The following ACAD11 variants were observed in gnomAD, a reference collection of about 807,000 sequenced individuals.
ACAD11 encodes acyl-CoA dehydrogenase family member 11, also known as acyl-Coenzyme A dehydrogenase family, member 11.
A neutral mutation model predicts 102.2 loss-of-function variants in ACAD11; 83 were observed. That is an observed-to-expected ratio of 0.81 (90% CI 0.68 to 0.97). ACAD11 has a LOEUF of 0.97. Ranked by LOEUF, ACAD11 falls within the 50% of genes least tolerant of loss-of-function variation. The pLI is 0.00. For missense variants in ACAD11, 901 were observed against 951.7 expected (o/e 0.95, Z 0.70); for synonymous variants, 324 against 319.8 (o/e 1.01, Z -0.14).
At chr3:132,634,736 A>G (rs1940204010) in intron 5 of ACAD11, among the ~76,000 whole-genome samples, 1 of 152,220 alleles carries the variant, frequency 6.6e-6, no homozygotes, top group Non-Finnish European at 1.5e-5. Context: ...ATAAAAAATG[A>G]TGAGTTCATG....
chr3:132,578,805 C>T lies in ACAD11; in HGVS notation c.1765G>A (p.Gly589Ser). ...TTTATTGGATACCTACCTGTGTAGC[C>T]AAAAACTGACAAAGGCCTTATTATT... ...VKIIRPLSVF[G>S]YTDNFHGGHF... The change falls in exon 15 of 20, where the codon GGC (glycine) becomes AGC (serine). Residue 589 changes from glycine (G) to serine (S), a missense_variant. Transcript: ENST00000264990. 6.2e-7 allele frequency: 1 copy of T among 1,612,382 alleles called. No individual in the cohort carries two copies. The highest frequency in any genetic ancestry group is 8.5e-7 in the Non-Finnish European group (1 of 1,179,258).
intron 1 of ACAD11, among the ~76,000 whole-genome samples, chr3:132,656,309 C>T (rs1937798082): frequency 6.6e-6 from 1 of 152,112 alleles, no homozygotes; most frequent in Non-Finnish European, 1.5e-5. Flanking sequence ...TCCCCTTATA[C>T]TGTAGTACAA....
intron 9 of ACAD11, among the ~76,000 whole-genome samples, chr3:132,622,767 G>A (rs1939655802): frequency 6.6e-6 from 1 of 152,156 alleles, no homozygotes; most frequent in Admixed American, 6.5e-5. Flanking sequence ...AATATCACCT[G>A]TAGCATACTG....
In ACAD11 at chr3:132,630,508, T is replaced by C. The variant is rs1939994838; in HGVS notation, c.892A>G (p.Ile298Val). 6.2e-7 allele frequency: 1 copy of C among 1,613,022 alleles called. No individual in the cohort carries two copies. The highest frequency in any genetic ancestry group is 8.5e-7 in the Non-Finnish European group (1 of 1,179,366). ...LISIYCRCRGINSILPNWNFF... is the reference protein window; with the variant it reads ...LISIYCRCRGVNSILPNWNFF... Reference sequence around the variant, plus strand: ...TTCCAGTTAGGAAGAATAGAATTAATTCCCCTGCAGCGGCAATATATTGAA... The same window carrying C: ...TTCCAGTTAGGAAGAATAGAATTAACTCCCCTGCAGCGGCAATATATTGAA... The change falls in exon 7 of 20, where the codon ATT becomes GTT. Residue 298 changes from isoleucine to valine, a missense_variant. Coordinates refer to ENST00000264990, the MANE Select transcript of ACAD11 (RefSeq NM_032169.5).
In ACAD11 at chr3:132,631,402, C is replaced by T; in HGVS notation, c.780G>A (p.Leu260=). 1.9e-6 allele frequency: 3 copies of T among 1,566,938 alleles called. No homozygotes were observed. The highest frequency in any genetic ancestry group is 2.6e-6 in the Non-Finnish European group (3 of 1,154,218). The change falls in exon 6 of 20, where the codon CTG becomes CTA. Residue 260 remains leucine (L), a synonymous_variant. Coordinates refer to ENST00000264990, the MANE Select transcript of ACAD11 (RefSeq NM_032169.5). The stretch of plus-strand genomic sequence containing the variant: ...GAACTGTCCTTGGCCAAAAGTAGAA[C>T]AGGGAAAAATGAGCTAAGTCTGACA... ...HPLSDLAHFS[L]FYFWPRTVPM...
At chr3:132,591,225 C>T (rs1345213762) in intron 13 of ACAD11, among the ~76,000 whole-genome samples, 4 of 152,156 alleles carry the variant, frequency 2.6e-5, no homozygotes, top group African/African-American at 9.7e-5. Flanking sequence ...CTGCATATGG[C>T]TAGCCAGTTA....
chr3:132,659,425 A>C, intron 1 of ACAD11, 178 bp downstream of exon 1: 1 of 763,202 alleles, frequency 1.3e-6, no homozygotes, highest in Non-Finnish European at 2.0e-6. Context: ...CCAATTGGGA[A>C]GCCCCCAGCA....
Position 132,630,560 on chromosome 3 carries a change from T to A in ACAD11, c.842-2A>T. 6.2e-7 allele frequency: 1 copy of A among 1,600,774 alleles called. No homozygotes were observed. Among genetic ancestry groups the A allele is most frequent in the Non-Finnish European group, 8.5e-7 (1 of 1,174,390 alleles). ...TCAGTTCTTCCATTGATGGTATCCC[T>A]ATAAAAACAGCATGTAATATAAACT... On this transcript the variant is annotated splice_acceptor_variant, in intron 6 of 19. Transcript: ENST00000264990. LOFTEE classifies it high-confidence loss of function.
intron 13 of ACAD11, among the ~76,000 whole-genome samples, chr3:132,594,790 G>T (rs550204928): frequency 5.3e-5 from 8 of 152,280 alleles, no homozygotes; most frequent in Admixed American, 3.9e-4. Context: ...AGTCAGTATT[G>T]TGTATCATAT....
At chr3:132,576,415 A>ACCT (rs1195929651) in intron 16 of ACAD11, among the ~76,000 whole-genome samples, 1 of 152,186 alleles carries the variant, frequency 6.6e-6, no homozygotes, top group Non-Finnish European at 1.5e-5. Context: ...ATGTTCTTTG[A>ACCT]AAGGGATATA....
intron 17 of ACAD11, among the ~76,000 whole-genome samples, chr3:132,573,780 A>G (rs1937450647): frequency 6.6e-6 from 1 of 152,222 alleles, no homozygotes; most frequent in African/African-American, 2.4e-5. Flanking sequence ...AATGGGTAGA[A>G]ACTAGGTGCT....
chr3:132,606,594 G>A (rs1475657727), intron 11 of ACAD11, among the ~76,000 whole-genome samples: 1 of 152,124 alleles, frequency 6.6e-6, no homozygotes, highest in African/African-American at 2.4e-5. Flanking sequence ...CTCCTCTCTG[G>A]GCAGGGCATC....
intron 11 of ACAD11, among the ~76,000 whole-genome samples, chr3:132,614,644 G>C (rs1465996576): frequency 3.9e-5 from 6 of 152,090 alleles, no homozygotes; most frequent in African/African-American, 1.2e-4. Context: ...GAAACTGGAT[G>C]CCTTCTTTAC....
At chr3:132,592,550 T>C (rs1268042729) in intron 13 of ACAD11, among the ~76,000 whole-genome samples, 1 of 152,216 alleles carries the variant, frequency 6.6e-6, no homozygotes, top group Non-Finnish European at 1.5e-5. Context: ...AATCATTTTC[T>C]AACAAAAGGA....
At position 132,639,516 on chromosome 3, in the gene ACAD11, A is replaced by G. The variant is rs1369559777; in HGVS notation, c.678T>C (p.Asp226=). The change falls in exon 5 of 20, where the codon GAT becomes GAC. Residue 226 remains aspartate (D), a synonymous_variant. Transcript: ENST00000264990. ...ENLIHGDFRL[D]NIVFHPKECR... ...CCTCTTTAGGGTGGAAAACTATGTT[A>G]TCTAGTCTGAAATCTCCATGAATCA... The G allele has an allele frequency of 1.2e-6, 2 of 1,613,654 alleles. No individual in the cohort carries two copies. Among genetic ancestry groups the G allele is most frequent in the African/African-American group, 2.7e-5 (2 of 74,892 alleles).
chr3:132,597,854 C>T (rs1336216363), intron 13 of ACAD11, among the ~76,000 whole-genome samples: 1 of 152,028 alleles, frequency 6.6e-6, no homozygotes, highest in Non-Finnish European at 1.5e-5. Context: ...AAGGTTCATA[C>T]TGTGTTAATA....
At chr3:132,621,566 A>C (rs367634989) in intron 9 of ACAD11, among the ~76,000 whole-genome samples, 28 of 152,348 alleles carry the variant, frequency 1.8e-4, no homozygotes, top group African/African-American at 2.9e-4. Context: ...AAAAAAGATA[A>C]ACAAAGGAAA....
At chr3:132,637,948 A>G (rs1940335658) in intron 5 of ACAD11, among the ~76,000 whole-genome samples, 1 of 152,210 alleles carries the variant, frequency 6.6e-6, no homozygotes, top group Admixed American at 6.5e-5. Flanking sequence ...CCTAAACATT[A>G]CAGAAATGTA....
intron 15 of ACAD11, chr3:132,578,579 C>A (rs1034995109): frequency 5.4e-6 from 1 of 186,226 alleles, no homozygotes; most frequent in Admixed American, 6.2e-5. Context: ...TCTATAAATT[C>A]TATAATTTAT....
Sources: allele counts gnomAD v4.1 joint callset (sites outside exome capture counted in the v4.1 genomes callset), GRCh38; gene constraint gnomAD v4.1.1; transcripts MANE v1.5; gene names NCBI Gene and HGNC (gene_info 2026-07-23, HGNC 2026-07-21).